LAMA2: variants seen among roughly 807,000 people sequenced by gnomAD.
The protein encoded by LAMA2 is laminin subunit alpha 2.
LAMA2 carries 269 observed loss-of-function variants against 364.8 expected under a neutral mutation model. That is an observed-to-expected ratio of 0.74 (90% CI 0.67 to 0.82). LAMA2 has a LOEUF of 0.82. LAMA2 is among the 40% of genes least tolerant of loss of function. LAMA2 has a pLI of 0.00. For synonymous variants in LAMA2, 1,379 were observed against 1,370.6 expected (o/e 1.01, Z -0.14); for missense variants, 3,807 against 3,873.2 (o/e 0.98, Z 0.45).
At chr6:129,056,032 C>T (rs1488032138) in intron 2 of LAMA2, among the ~76,000 whole-genome samples, 1 of 152,138 alleles carries the variant, frequency 6.6e-6, no homozygotes, top group African/African-American at 2.4e-5. Flanking sequence ...CCTGAGGTGG[C>T]AGATACCACA....
intron 8 of LAMA2, among the ~76,000 whole-genome samples, chr6:129,155,111 C>T (rs897186431): frequency 6.6e-6 from 1 of 152,148 alleles, no homozygotes; most frequent in Non-Finnish European, 1.5e-5. Context: ...TAGTATTTCT[C>T]TGCACGAACA....
intron 22 of LAMA2, among the ~76,000 whole-genome samples, chr6:129,305,268 A>G (rs1176828705): frequency 6.6e-6 from 1 of 150,760 alleles, no homozygotes; most frequent in Non-Finnish European, 1.5e-5. Flanking sequence ...TTTGTGTGGT[A>G]TATATTTTTC....
intron 22 of LAMA2, among the ~76,000 whole-genome samples, chr6:129,302,968 T>G (rs1256721171): frequency 6.6e-6 from 1 of 152,118 alleles, no homozygotes; most frequent in Non-Finnish European, 1.5e-5. Flanking sequence ...AACTTTTAAA[T>G]TTAGCATGTC....
rs558541744 is a variant in LAMA2 at position 129,012,324 on chromosome 6, A to G, written c.113-37594A>G. Among the ~76,000 whole-genome samples the G allele has an allele frequency of 1.2e-3, 181 of 152,258 alleles. 1 individual carries two copies. Among genetic ancestry groups the G allele is most frequent in the African/African-American group, 4.1e-3 (171 of 41,586 alleles). On this transcript the variant is annotated intron_variant, in intron 1 of 64. Transcript: ENST00000421865. ...TAGTTATTTTTCTAATTTGAATATT[A>G]TGCTTTGTTAAGTTATTTAGAACCA... is the stretch of plus-strand genomic sequence containing the variant.
At chr6:129,159,080 T>G in intron 8 of LAMA2, 3 of 1,578,906 alleles carry the variant, frequency 1.9e-6, no homozygotes, top group Non-Finnish European at 2.6e-6. Context: ...GATGAACAAA[T>G]AGGCTCCCAA....
At chr6:129,079,094 T>C (rs1773857906) in intron 3 of LAMA2, among the ~76,000 whole-genome samples, 1 of 152,198 alleles carries the variant, frequency 6.6e-6, no homozygotes, top group East Asian at 1.9e-4. Flanking sequence ...TAATTCCACC[T>C]TCTGGCTATT....
rs140515009 is a variant in LAMA2 at position 128,902,279 on chromosome 6, T to C, written c.112+18922T>C. Among the ~76,000 whole-genome samples, 1,032 of 152,320 alleles carry C rather than the reference T, an allele frequency of 6.8e-3. 12 individuals carry two copies. The highest frequency in any genetic ancestry group is 0.022 in the African/African-American group (932 of 41,564). ...GACCATATCACTAAGAGAATAAAAATGGACACAGAATGCCACTTTCCTATT... is the reference window on the plus strand; with the variant it reads ...GACCATATCACTAAGAGAATAAAAACGGACACAGAATGCCACTTTCCTATT... On this transcript the variant is annotated intron_variant, in intron 1 of 64. Transcript: ENST00000421865.
At chr6:129,436,115 T>A (rs909322057) in intron 41 of LAMA2, among the ~76,000 whole-genome samples, 3 of 152,180 alleles carry the variant, frequency 2.0e-5, no homozygotes, top group African/African-American at 7.2e-5. Flanking sequence ...TTTTAAAACA[T>A]TGAAAAACAG....
chr6:129,014,803 AT>A (rs1784975466), intron 1 of LAMA2, among the ~76,000 whole-genome samples: 1 of 152,284 alleles, frequency 6.6e-6, no homozygotes, highest in Non-Finnish European at 1.5e-5. Context: ...TAGTGAACCT[AT>A]CATCTTTAAA....
At chr6:129,062,133 T>C (rs908214710) in intron 3 of LAMA2, among the ~76,000 whole-genome samples, 1 of 152,202 alleles carries the variant, frequency 6.6e-6, no homozygotes, top group African/African-American at 2.4e-5. Context: ...CTGTGAGACA[T>C]GTTTATAATA....
At chr6:129,025,502 G>A (rs537612921) in intron 1 of LAMA2, among the ~76,000 whole-genome samples, 31 of 152,214 alleles carry the variant, frequency 2.0e-4, no homozygotes, top group African/African-American at 7.2e-4. Flanking sequence ...AACATATCTA[G>A]AGGCAACTTT....
intron 4 of LAMA2, among the ~76,000 whole-genome samples, chr6:129,116,123 A>C (rs2114909864): frequency 6.6e-6 from 1 of 152,278 alleles, no homozygotes; most frequent in South Asian, 2.1e-4. Flanking sequence ...TTATAAAAGC[A>C]GGTAGAGAAT....
intron 1 of LAMA2, chr6:128,929,388 T>A (rs1779303186): frequency 2.1e-6 from 2 of 931,488 alleles, no homozygotes; most frequent in African/African-American, 3.2e-5. Flanking sequence ...ATCAGTCATG[T>A]GAGGATGAGT....
At chr6:129,148,323 G>A (rs1243819940) in intron 6 of LAMA2, among the ~76,000 whole-genome samples, 1 of 152,064 alleles carries the variant, frequency 6.6e-6, no homozygotes, top group Non-Finnish European at 1.5e-5. Flanking sequence ...TGGACTCAAG[G>A]AGGGGAACAA....
chr6:128,986,068 C>A (rs1783211396), intron 1 of LAMA2, among the ~76,000 whole-genome samples: 1 of 151,956 alleles, frequency 6.6e-6, no homozygotes, highest in Admixed American at 6.6e-5. Context: ...TAATGATAAC[C>A]AGTTTGCTTT....
At chr6:129,273,544 G>A (rs1788087921) in intron 17 of LAMA2, among the ~76,000 whole-genome samples, 1 of 152,110 alleles carries the variant, frequency 6.6e-6, no homozygotes, top group South Asian at 2.1e-4. Flanking sequence ...TAAATGCAGA[G>A]GAAACATTAG....
At chr6:128,966,966 C>T (rs747425627) in intron 1 of LAMA2, among the ~76,000 whole-genome samples, 1 of 152,136 alleles carries the variant, frequency 6.6e-6, no homozygotes, top group African/African-American at 2.4e-5. Flanking sequence ...CCTCATAATA[C>T]AGCTAGTGAA....
At chr6:129,415,466 T>G (rs756221920) in intron 40 of LAMA2, among the ~76,000 whole-genome samples, 4 of 152,116 alleles carry the variant, frequency 2.6e-5, no homozygotes, top group Admixed American at 2.0e-4. Flanking sequence ...TTCTCCAAAT[T>G]TTTTCTATCT....
intron 40 of LAMA2, among the ~76,000 whole-genome samples, chr6:129,414,425 T>C (rs1181829787): frequency 1.3e-5 from 2 of 152,078 alleles, no homozygotes; most frequent in East Asian, 3.9e-4. Context: ...TGAAATATTA[T>C]AAAACCCAGT....
Sources: allele counts gnomAD v4.1 joint callset (sites outside exome capture counted in the v4.1 genomes callset), GRCh38; gene constraint gnomAD v4.1.1; transcripts MANE v1.5; gene names NCBI Gene and HGNC (gene_info 2026-07-23, HGNC 2026-07-21).